PCNX1: variants seen among roughly 807,000 people sequenced by gnomAD.
The protein encoded by PCNX1 is pecanex 1.
A neutral mutation model predicts 242.2 loss-of-function variants in PCNX1; 78 were observed. The ratio of observed to expected loss-of-function variants is 0.32; its 90% CI spans 0.27 to 0.39. The LOEUF (loss-of-function observed/expected upper bound fraction) is 0.39. Ranked by LOEUF, PCNX1 falls within the 10% of genes least tolerant of loss-of-function variation. The pLI, the probability that PCNX1 is intolerant of heterozygous loss-of-function variation, is 1.00. For synonymous variants in PCNX1, 1,024 were observed against 1,032.9 expected, an observed-to-expected ratio of 0.99 and a Z score of 0.17; for missense variants, 2,581 against 2,856.5, an observed-to-expected ratio of 0.90 and a Z score of 2.20.
At chr14:71,106,148 G>A (rs2141873262) in intron 33 of PCNX1, among the ~76,000 whole-genome samples, 1 of 151,838 alleles carries the variant, frequency 6.6e-6, no homozygotes, top group East Asian at 1.9e-4. Context: ...CGAGTAGCTG[G>A]GACTACAGGT....
At chr14:71,090,830 A>C (rs1274616620) in intron 30 of PCNX1, among the ~76,000 whole-genome samples, 1 of 152,230 alleles carries the variant, frequency 6.6e-6, no homozygotes, top group East Asian at 1.9e-4. Context: ...TCCGAGATGA[A>C]ACTGAGCACA....
At chr14:70,986,602 C>A (rs1170722788) in intron 6 of PCNX1, among the ~76,000 whole-genome samples, 1 of 152,162 alleles carries the variant, frequency 6.6e-6, no homozygotes, top group African/African-American at 2.4e-5. Context: ...AGAAAACCGT[C>A]TCATGTTTCT....
chr14:71,023,312 T>A (rs1055773634), intron 13 of PCNX1, 80 bp downstream of exon 13: 12 of 1,155,028 alleles, frequency 1.0e-5, no homozygotes, highest in Middle Eastern at 2.0e-4. Context: ...TTTGTTTTTT[T>A]GTTTTGTTTG....
At chr14:70,949,270 C>T (rs1450071438) in intron 2 of PCNX1, among the ~76,000 whole-genome samples, 274 of 21,854 alleles carry the variant, frequency 0.013, 1 homozygote, top group African/African-American at 0.035. Context: ...CACGTGTATG[C>T]ACACACGTGT....
intron 6 of PCNX1, among the ~76,000 whole-genome samples, chr14:70,981,583 T>C (rs538115424): frequency 1.7e-4 from 26 of 152,308 alleles, no homozygotes; most frequent in African/African-American, 6.0e-4. Flanking sequence ...TCAATAATGG[T>C]TTGTGATTAC....
At chr14:70,992,742 AC>A (rs1379561698) in intron 7 of PCNX1, among the ~76,000 whole-genome samples, 1 of 152,214 alleles carries the variant, frequency 6.6e-6, no homozygotes, top group Non-Finnish European at 1.5e-5. Flanking sequence ...AATAGTTGCT[AC>A]CCTTACTCAA....
At chr14:71,033,876 A>G in intron 17 of PCNX1, 55 bp from the exon 18 acceptor site, 1 of 920,496 alleles carries the variant, frequency 1.1e-6, no homozygotes, top group Non-Finnish European at 1.7e-6. Context: ...GCCCGTTTGA[A>G]TTACTGGTTT....
At chr14:71,037,404 A>G (rs1205396364) in intron 19 of PCNX1, among the ~76,000 whole-genome samples, 8 of 141,516 alleles carry the variant, frequency 5.7e-5, no homozygotes, top group African/African-American at 1.9e-4. Context: ...TTGCCCATTC[A>G]GTATGATATT....
intron 16 of PCNX1, among the ~76,000 whole-genome samples, chr14:71,029,743 G>A (rs1222246796): frequency 6.6e-6 from 1 of 152,190 alleles, no homozygotes; most frequent in African/African-American, 2.4e-5. Context: ...AAGAAAATGT[G>A]TTGTGTAGAG....
At chr14:71,100,630 C>T (rs2062437585) in intron 30 of PCNX1, among the ~76,000 whole-genome samples, 1 of 152,062 alleles carries the variant, frequency 6.6e-6, no homozygotes, top group Non-Finnish European at 1.5e-5. Context: ...TCTGGATGTC[C>T]ACCTTTCTAG....
Position 71,108,939 on chromosome 14 carries a change from G to A in PCNX1, c.6637G>A (p.Ala2213Thr), listed in dbSNP as rs2062696531. 1 of 1,614,212 alleles carries A rather than the reference G, an allele frequency of 6.2e-7. No homozygotes were observed. Among genetic ancestry groups the A allele is most frequent in the Non-Finnish European group, 8.5e-7 (1 of 1,180,040 alleles). Residue 2213 changes from alanine (A) to threonine (T), a missense_variant, in exon 34 of 36, where the codon GCG becomes ACG. Around this residue, in one of 9 missense-constraint regions of PCNX1, gnomAD observed 432 missense variants for 433.6 expected, o/e 1.00. Transcript: ENST00000304743. ...CKHHTLVGFL[A>T]TEGGQSSATD... The stretch of plus-strand genomic sequence containing the variant: ...ACATCACACTCTCGTGGGCTTTCTT[G>A]CGACAGAGGGAGGTCAGAGCAGTGC...
intron 1 of PCNX1, among the ~76,000 whole-genome samples, chr14:70,935,192 T>G (rs1356219598): frequency 6.6e-6 from 1 of 152,212 alleles, no homozygotes. Context: ...GTTTCCAGTA[T>G]GTAATGGTCA....
At chr14:70,982,861 G>A (rs1279275581) in intron 6 of PCNX1, among the ~76,000 whole-genome samples, 1 of 152,110 alleles carries the variant, frequency 6.6e-6, no homozygotes, top group Non-Finnish European at 1.5e-5. Flanking sequence ...ATTCTGGCAG[G>A]CCATTAAATC....
intron 28 of PCNX1, among the ~76,000 whole-genome samples, chr14:71,078,921 T>C (rs2061782546): frequency 6.6e-6 from 1 of 152,214 alleles, no homozygotes; most frequent in South Asian, 2.1e-4. Flanking sequence ...GGCATGGGTA[T>C]ACACATGCCA....
intron 1 of PCNX1, among the ~76,000 whole-genome samples, chr14:70,910,226 T>TCCCCCTCCTCCTCCTCCTCCTCCC: frequency 1.2e-5 from 1 of 82,570 alleles, no homozygotes. Flanking sequence ...CTCCTCCTCC[T>TCCCCCTCCTCCTCCTCCTCCTCCC]CCTCTCACCA....
intron 1 of PCNX1, among the ~76,000 whole-genome samples, chr14:70,929,194 A>G (rs926362985): frequency 2.6e-5 from 4 of 151,552 alleles, no homozygotes; most frequent in Admixed American, 2.6e-4. Flanking sequence ...AGTGATCTAA[A>G]GATGCTTTTG....
chr14:71,107,252 A>G (rs1327265433), intron 33 of PCNX1, among the ~76,000 whole-genome samples: 1 of 152,042 alleles, frequency 6.6e-6, no homozygotes, highest in Non-Finnish European at 1.5e-5. Flanking sequence ...TTAAATTTAA[A>G]TATATATATT....
chr14:70,987,230 C>T (rs918746404), intron 6 of PCNX1, among the ~76,000 whole-genome samples: 2 of 152,202 alleles, frequency 1.3e-5, no homozygotes, highest in Non-Finnish European at 2.9e-5. Context: ...TAGATAAGCA[C>T]TGTTCAATAT....
chr14:71,054,901 G>A (rs1184847089), intron 24 of PCNX1, among the ~76,000 whole-genome samples: 1 of 152,192 alleles, frequency 6.6e-6, no homozygotes, highest in Non-Finnish European at 1.5e-5. Context: ...GTGTGGCAGC[G>A]AAGGGTAGAA....
Sources: gnomAD v4.1 joint callset for allele counts (sites outside exome capture counted in the v4.1 genomes callset) on GRCh38, gnomAD v4.1.1 for gene constraint, gnomAD v4.1.1 regional missense constraint, MANE v1.5 for transcripts, NCBI Gene and HGNC (gene_info 2026-07-23, HGNC 2026-07-21) for gene names.